The following PNPLA3 variants were observed in gnomAD, a reference collection of about 807,000 sequenced individuals.
The protein encoded by PNPLA3 is 1-acylglycerol-3-phosphate O-acyltransferase PNPLA3.
PNPLA3 carries 42 observed loss-of-function variants against 43.1 expected under a neutral mutation model. The ratio of observed to expected loss-of-function variants is 0.97; its 90% confidence interval spans 0.76 to 1.26. The LOEUF (loss-of-function observed/expected upper bound fraction) is 1.26. PNPLA3 is among the 50% of genes most tolerant of loss of function. PNPLA3 has a pLI of 0.00. For missense variants in PNPLA3, 647 were observed against 621.4 expected (o/e 1.04, Z -0.44); for synonymous variants, 272 against 253.6 (o/e 1.07, Z -0.69).
intron 6 of PNPLA3, 43 bp from the exon 7 acceptor site, chr22:43,939,950 T>C (rs141163247): frequency 1.9e-6 from 3 of 1,614,122 alleles, no homozygotes; most frequent in African/African-American, 2.7e-5. Flanking sequence ...GGTTTGGTTT[T>C]TCACAGTGGT....
chr22:43,923,939 T>C lies in PNPLA3; in HGVS notation c.28T>C (p.Leu10=), dbSNP rs965031157. 99 of 1,580,006 alleles carry C rather than the reference T, an allele frequency of 6.3e-5. No individual in the cohort carries two copies. The highest frequency in any genetic ancestry group is 8.4e-5 in the Non-Finnish European group (98 of 1,171,654). The part of the protein sequence containing the change: MYDAERGWS[L]SFAGCGFLGF... ...GTACGACGCAGAGCGCGGCTGGAGCTTGTCCTTCGCGGGCTGCGGCTTCCT... is the reference window on the plus strand; with the variant it reads ...GTACGACGCAGAGCGCGGCTGGAGCCTGTCCTTCGCGGGCTGCGGCTTCCT... The change falls in exon 1 of 9, where the codon TTG becomes CTG. Residue 10 remains leucine, a synonymous_variant. Coordinates refer to ENST00000216180, the MANE Select transcript of PNPLA3 (RefSeq NM_025225.3).
intron 5 of PNPLA3, among the ~76,000 whole-genome samples, chr22:43,935,206 A>C (rs145929993): frequency 6.6e-6 from 1 of 152,206 alleles, no homozygotes; most frequent in Non-Finnish European, 1.5e-5. Flanking sequence ...GGAAGGAAAA[A>C]GATGTGTTGG....
rs558953412 is a variant in PNPLA3 at position 43,944,535 on chromosome 22, C to G, written c.1113-156C>G. ...TGGGCTCATTTTGCTTTAGAGATTT[C>G]AGGTGGGCTTGTCCTTGTCCTAGCA... On this transcript the variant is annotated intron_variant, in intron 7 of 8. Coordinates refer to ENST00000216180, the MANE Select transcript of PNPLA3 (RefSeq NM_025225.3). Among the ~76,000 whole-genome samples the G allele has an allele frequency of 2.6e-5, 4 of 152,240 alleles. No individual in the cohort carries two copies. In the East Asian group the frequency reaches 7.7e-4, roughly 29 times the overall value.
chr22:43,940,266 C>T lies in PNPLA3; in HGVS notation c.1112+141C>T, dbSNP rs891613733. On this transcript the variant is annotated intron_variant, in intron 7 of 8. Transcript: ENST00000216180. ...AGCTCACAGTCTATGTGCAATGCCC[C>T]TGAATGTTGCCCACCTGTCCTCAAG... 5 of 1,044,796 alleles carry T rather than the reference C, an allele frequency of 4.8e-6. No individual in the cohort carries two copies. In the African/African-American group the frequency reaches 8.0e-5, roughly 17 times the overall value. The allele number at this position is 1,044,796 out of a possible 1,614,324, so 64.7% of individuals were successfully genotyped here. A position where few individuals can be genotyped will look rare whatever the true frequency, so the allele number is the denominator to read the frequency against.
At position 43,947,074 on chromosome 22, in the gene PNPLA3, A is replaced by G. The variant is rs2146794667; in HGVS notation, c.*692A>G. ...TAGAATAAGCCTTAAAAAAAAAAAA[A>G]TCGGTTGGGTGCAGTGGCACACGGC... On this transcript the variant is annotated 3_prime_UTR_variant, in exon 9 of 9. Transcript: ENST00000216180. 4.8e-6 allele frequency: 1 copy of G among 206,988 alleles called. No homozygotes were observed. Among genetic ancestry groups the G allele is most frequent in the African/African-American group, 2.4e-5 (1 of 41,712 alleles). 12.8% of individuals were successfully genotyped at this position (206,988 alleles called of 1,614,324 possible).
At chr22:43,944,930 A>T (rs1274338651) in intron 8 of PNPLA3, 135 bp downstream of exon 8, 1 of 748,676 alleles carries the variant, frequency 1.3e-6, no homozygotes. Context: ...ACCCTGTCTC[A>T]TGGGAGGCAG....
chr22:43,926,349 A>G (rs184946566), intron 1 of PNPLA3, among the ~76,000 whole-genome samples: 4 of 152,344 alleles, frequency 2.6e-5, no homozygotes, highest in Admixed American at 2.6e-4. Context: ...AGGAGAGTGC[A>G]GATCAGCCTG....
Position 43,924,006 on chromosome 22 carries a change from A to G in PNPLA3, c.95A>G (p.His32Arg). Residue 32 changes from histidine to arginine, a missense_variant, in exon 1 of 9, where the codon CAC (histidine) becomes CGC (arginine). Coordinates refer to ENST00000216180, the MANE Select transcript of PNPLA3 (RefSeq NM_025225.3). ...HVGATRCLSEHAPHLLRDARM... is the reference protein window; with the variant it reads ...HVGATRCLSERAPHLLRDARM... ...GGGGCGACCCGCTGCCTGAGCGAGCACGCCCCGCACCTCCTCCGCGACGCG... is the reference window on the plus strand; with the variant it reads ...GGGGCGACCCGCTGCCTGAGCGAGCGCGCCCCGCACCTCCTCCGCGACGCG... The G allele has an allele frequency of 6.3e-7, 1 of 1,585,058 alleles. No individual in the cohort carries two copies. The highest frequency in any genetic ancestry group is 8.5e-7 in the Non-Finnish European group (1 of 1,174,278).
intron 1 of PNPLA3, among the ~76,000 whole-genome samples, chr22:43,926,200 C>T (rs1013891128): frequency 1.2e-4 from 19 of 152,308 alleles, no homozygotes; most frequent in Middle Eastern, 3.4e-3. Context: ...GCAATTCCAC[C>T]CCTCTGGCCA....
intron 1 of PNPLA3, among the ~76,000 whole-genome samples, chr22:43,925,181 A>G (rs73888492): frequency 0.015 from 2,310 of 151,942 alleles, 68 homozygotes; most frequent in African/African-American, 0.052. Context: ...GTTTCCACTG[A>G]CCTAGGCCCA....
intron 6 of PNPLA3, 123 bp downstream of exon 6, chr22:43,937,395 A>G (rs2050002989): frequency 2.3e-6 from 2 of 852,610 alleles, no homozygotes; most frequent in Non-Finnish European, 3.7e-6. Flanking sequence ...GGTTGGGAAC[A>G]TCTCCTTCCA....
At chr22:43,924,178 C>T (rs1031165259) in intron 1 of PNPLA3, 80 bp downstream of exon 1, 1 of 1,353,712 alleles carries the variant, frequency 7.4e-7, no homozygotes, top group Non-Finnish European at 9.5e-7. Flanking sequence ...CCCCAGGGGT[C>T]GCGGGGCCCT....
At position 43,943,687 on chromosome 22, in the gene PNPLA3, G is replaced by C. The variant is rs1432106561; in HGVS notation, c.1113-1004G>C. The stretch of plus-strand genomic sequence containing the variant: ...CCACACTGGGAAACATAGGGTGGTT[G>C]CATGCTGCAGTCCTGAGCACTTATT... On this transcript the variant is annotated intron_variant, in intron 7 of 8. Transcript: ENST00000216180. Among the ~76,000 whole-genome samples, 5 of 152,314 alleles carry C rather than the reference G, an allele frequency of 3.3e-5. No homozygotes were observed. In the East Asian group the frequency reaches 7.7e-4, roughly 23 times the overall value.
In PNPLA3 at chr22:43,934,644, A is replaced by T. The variant is rs1335563272; in HGVS notation, c.735A>T (p.Ala245=). Reference sequence around the variant, plus strand: ...TATGCCTTCGAGGATATTTGGATGCATTCAGGTTCTTGGAAGAGAAGGGTA... The same window carrying T: ...TATGCCTTCGAGGATATTTGGATGCTTTCAGGTTCTTGGAAGAGAAGGGTA... ...GEICLRGYLD[A]FRFLEEKGIC... The change falls in exon 5 of 9, where the codon GCA becomes GCT. Residue 245 remains alanine, a synonymous_variant. Coordinates refer to ENST00000216180, the MANE Select transcript of PNPLA3 (RefSeq NM_025225.3). 3 of 1,613,862 alleles carry T rather than the reference A, an allele frequency of 1.9e-6. No homozygotes were observed. The highest frequency in any genetic ancestry group is 2.2e-5 in the South Asian group (2 of 91,078).
At position 43,946,813 on chromosome 22, in the gene PNPLA3, TG is replaced by T. The variant is rs2050066846; in HGVS notation, c.*434del. The T allele has an allele frequency of 4.0e-6, 2 of 499,360 alleles. No individual in the cohort carries two copies. The highest frequency in any genetic ancestry group is 3.3e-4 in the Middle Eastern group (1 of 3,054). 30.9% of individuals were successfully genotyped at this position (499,360 alleles called of 1,614,324 possible). On this transcript the variant is annotated 3_prime_UTR_variant, in exon 9 of 9. Coordinates refer to ENST00000216180, the MANE Select transcript of PNPLA3 (RefSeq NM_025225.3). ...AGCATGATCCCACTTCCCCATGCTGTGGGAAGGGGTGCAGTTCGTCCCCAAG... is the reference window on the plus strand; with the variant it reads ...AGCATGATCCCACTTCCCCATGCTGTGGAAGGGGTGCAGTTCGTCCCCAAG...
At chr22:43,942,282 T>A (rs375596910) in intron 7 of PNPLA3, among the ~76,000 whole-genome samples, 70 of 152,306 alleles carry the variant, frequency 4.6e-4, no homozygotes, top group African/African-American at 1.6e-3. Context: ...GTAGCTTCAT[T>A]TTTCTTGGCT....
At chr22:43,943,030 C>T (rs934329715) in intron 7 of PNPLA3, among the ~76,000 whole-genome samples, 6 of 152,108 alleles carry the variant, frequency 3.9e-5, no homozygotes, top group African/African-American at 1.4e-4. Context: ...CACTCGTTGT[C>T]TTTTTGCGTC....
At chr22:43,928,769 A>G (rs2049941795) in intron 2 of PNPLA3, 55 bp from the exon 3 acceptor site, 4 of 1,510,184 alleles carry the variant, frequency 2.6e-6, no homozygotes, top group African/African-American at 1.4e-5. Context: ...ATGAAGGATC[A>G]GGAAAATTAA....
Position 43,927,111 on chromosome 22 carries a change from T to C in PNPLA3, c.364T>C (p.Ser122Pro), listed in dbSNP as rs765149929. ...AATAGGCATCTCTCTTACCAGAGTG[T>C]CTGATGGGGAAAACGTTCTGGTGTC... ...GKIGISLTRV[S>P]DGENVLVSDF... Residue 122 changes from serine (S) to proline (P), a missense_variant, in exon 2 of 9, where the codon TCT becomes CCT. Transcript: ENST00000216180. 3 of 1,614,208 alleles carry C rather than the reference T, an allele frequency of 1.9e-6. No individual in the cohort carries two copies. The South Asian group carries it at 3.3e-5, about 18-fold the overall frequency.
Sources: gnomAD v4.1 joint callset for allele counts (sites outside exome capture counted in the v4.1 genomes callset) on GRCh38, gnomAD v4.1.1 for gene constraint, MANE v1.5 for transcripts, NCBI Gene and HGNC (gene_info 2026-07-23, HGNC 2026-07-21) for gene names.